Variants in ALG8 observed in about 807,000 individuals in gnomAD.
ALG8 encodes ALG8 alpha-1,3-glucosyltransferase.
In ALG8, 48 loss-of-function variants were observed where a neutral mutation model predicts 70.2. The observed-to-expected ratio is 0.68, with a 90% CI of 0.54 to 0.87. The LOEUF (loss-of-function observed/expected upper bound fraction) is 0.87, where lower values mean the gene tolerates loss of function less well. Ranked by LOEUF, ALG8 falls within the 40% of genes least tolerant of loss-of-function variation. The pLI is 0.00. For missense variants in ALG8, 572 were observed against 608.7 expected, an observed-to-expected ratio of 0.94 and a Z score of 0.64; for synonymous variants, 234 against 229.0, an observed-to-expected ratio of 1.02 and a Z score of -0.20.
chr11:78,126,504 C>A (rs574639382), intron 2 of ALG8, among the ~76,000 whole-genome samples: 2 of 145,666 alleles, frequency 1.4e-5, no homozygotes, highest in South Asian at 4.3e-4. Flanking sequence ...TGCACTCCAG[C>A]CTGGGTGACA....
At chr11:78,129,093 T>A (rs139874282) in intron 1 of ALG8, among the ~76,000 whole-genome samples, 1 of 151,982 alleles carries the variant, frequency 6.6e-6, no homozygotes, top group African/African-American at 2.4e-5. Context: ...CAGAAATGCA[T>A]AGTATGCTCA....
At chr11:78,127,718 T>C (rs1474563960) in intron 1 of ALG8, among the ~76,000 whole-genome samples, 5 of 150,844 alleles carry the variant, frequency 3.3e-5, no homozygotes, top group East Asian at 1.9e-4. Context: ...TTTTCTTTTT[T>C]TTTTTTTTTG....
rs759448781 is a variant in ALG8 at position 78,114,342 on chromosome 11, C to T, written c.597G>A (p.Lys199=). 6.2e-7 allele frequency: 1 copy of T among 1,614,010 alleles called. No homozygotes were observed. Among genetic ancestry groups the T allele is most frequent in the African/African-American group, 1.3e-5 (1 of 75,034 alleles). The part of the protein sequence containing the change: ...AFLFAVLLHF[K]HIYLYVAPAY... ...CTGGTGCTACATAGAGGTAGATATGCTTGAAATGTAGGAGAACAGCAAAGA... is the reference window on the plus strand; with the variant it reads ...CTGGTGCTACATAGAGGTAGATATGTTTGAAATGTAGGAGAACAGCAAAGA... The change falls in exon 6 of 13, where the codon AAG becomes AAA. Residue 199 remains lysine, a synonymous_variant. Coordinates refer to ENST00000299626, the MANE Select transcript of ALG8 (RefSeq NM_024079.5).
chr11:78,113,861 G>GAAAAAAAAAAAAAAAAAAAATAAAAAA, intron 7 of ALG8, 25 bp downstream of exon 7: 1 of 1,241,918 alleles, frequency 8.1e-7, no homozygotes, highest in South Asian at 1.5e-5. Context: ...TGTATTAATT[G>GAAAAAAAAAAAAAAAAAAAATAAAAAA]AAAAAAAAAA....
chr11:78,113,808 T>C, intron 7 of ALG8, 78 bp downstream of exon 7: 5 of 1,172,962 alleles, frequency 4.3e-6, no homozygotes, highest in Non-Finnish European at 6.0e-6. Context: ...TTATTTTACA[T>C]ATTCCTGGCT....
intron 1 of ALG8, among the ~76,000 whole-genome samples, chr11:78,134,718 A>C (rs1472332700): frequency 6.6e-6 from 1 of 152,224 alleles, no homozygotes; most frequent in East Asian, 1.9e-4. Context: ...CTGCTCATCC[A>C]TGAGAAGTAA....
intron 1 of ALG8, among the ~76,000 whole-genome samples, chr11:78,130,348 CAAAAAA>C (rs1174378754): frequency 4.1e-5 from 2 of 49,182 alleles, no homozygotes; most frequent in African/African-American, 2.3e-4. Context: ...GACCCGGTCT[CAAAAAA>C]AAAAAAAAAA....
At chr11:78,136,736 T>C (rs1861570419) in intron 1 of ALG8, among the ~76,000 whole-genome samples, 1 of 152,176 alleles carries the variant, frequency 6.6e-6, no homozygotes, top group Admixed American at 6.6e-5. Flanking sequence ...ATGTCATAGA[T>C]GGCATCTTCC....
chr11:78,114,554 C>T, intron 5 of ALG8, 162 bp from the exon 6 acceptor site: 2 of 799,302 alleles, frequency 2.5e-6, no homozygotes, highest in South Asian at 3.1e-5. Context: ...GATGAATGTA[C>T]CATGGTTATG....
intron 2 of ALG8, among the ~76,000 whole-genome samples, chr11:78,126,727 G>A (rs551823431): frequency 6.6e-6 from 1 of 152,066 alleles, no homozygotes; most frequent in Non-Finnish European, 1.5e-5. Flanking sequence ...TGTGCCAGAT[G>A]AGACACTAAG....
At chr11:78,129,583 G>C (rs1005723398) in intron 1 of ALG8, among the ~76,000 whole-genome samples, 1 of 152,174 alleles carries the variant, frequency 6.6e-6, no homozygotes, top group South Asian at 2.1e-4. Context: ...CTCACAGGGA[G>C]ACCCTTTCAA....
chr11:78,136,555 C>T (rs1489865354), intron 1 of ALG8, among the ~76,000 whole-genome samples: 1 of 152,084 alleles, frequency 6.6e-6, no homozygotes, highest in African/African-American at 2.4e-5. Context: ...AAAAATGTTT[C>T]TGAGCAGTAG....
intron 1 of ALG8, chr11:78,138,589 T>C (rs1421745784): frequency 5.1e-6 from 2 of 394,740 alleles, no homozygotes; most frequent in Non-Finnish European, 1.0e-5. Flanking sequence ...AGGATACCAA[T>C]AAAACAAACC....
intron 2 of ALG8, among the ~76,000 whole-genome samples, chr11:78,125,629 T>A (rs1861034147): frequency 6.6e-6 from 1 of 150,670 alleles, no homozygotes; most frequent in Non-Finnish European, 1.5e-5. Context: ...AAAAAAAAAT[T>A]TCCTGGGCAT....
intron 1 of ALG8, chr11:78,138,762 T>C: frequency 2.2e-6 from 1 of 456,354 alleles, no homozygotes; most frequent in Non-Finnish European, 4.4e-6. Context: ...GCTTTCAGTC[T>C]TGGCCCTACA....
At chr11:78,134,902 CTT>C (rs1311737894) in intron 1 of ALG8, among the ~76,000 whole-genome samples, 2 of 152,180 alleles carry the variant, frequency 1.3e-5, no homozygotes, top group African/African-American at 4.8e-5. Context: ...CTTCCAAACT[CTT>C]GTTAATGTTG....
intron 3 of ALG8, among the ~76,000 whole-genome samples, 187 bp downstream of exon 3, chr11:78,123,829 CCCCAT>C (rs2136925207): frequency 6.6e-6 from 1 of 152,272 alleles, no homozygotes; most frequent in Admixed American, 6.5e-5. Flanking sequence ...TCCACCTTAT[CCCCAT>C]TTCTTCCACA....
chr11:78,135,651 C>T (rs1861511782), intron 1 of ALG8, among the ~76,000 whole-genome samples: 1 of 151,870 alleles, frequency 6.6e-6, no homozygotes, highest in African/African-American at 2.4e-5. Context: ...AGTTCAAGAC[C>T]AGCCTGGCCA....
chr11:78,109,898 G>A (rs1050042150), intron 8 of ALG8, among the ~76,000 whole-genome samples: 1 of 152,200 alleles, frequency 6.6e-6, no homozygotes, highest in Non-Finnish European at 1.5e-5. Context: ...AGCATGTCAT[G>A]AAGGAACTTT....
Sources: gnomAD v4.1 joint callset for allele counts (sites outside exome capture counted in the v4.1 genomes callset) on GRCh38, gnomAD v4.1.1 for gene constraint, MANE v1.5 for transcripts, NCBI Gene and HGNC (gene_info 2026-07-23, HGNC 2026-07-21) for gene names.